SIPA1L2: variants seen among roughly 807,000 people sequenced by gnomAD.
SIPA1L2 encodes signal induced proliferation associated 1 like 2, also known as signal-induced proliferation-associated 1-like protein 2.
In SIPA1L2, 56 loss-of-function variants were observed where a neutral mutation model predicts 163.9. The observed-to-expected ratio is 0.34, with a 90% confidence interval of 0.28 to 0.43. SIPA1L2 has a LOEUF of 0.43. Ranked by LOEUF, SIPA1L2 falls within the 20% of genes least tolerant of loss-of-function variation. SIPA1L2 has a pLI of 1.00. For missense variants in SIPA1L2, 1,974 were observed against 2,193.5 expected, an observed-to-expected ratio of 0.90 and a Z score of 2.00; for synonymous variants, 877 against 865.7, an observed-to-expected ratio of 1.01 and a Z score of -0.23.
chr1:232,559,816 G>A (rs188793559), intron 2 of SIPA1L2, among the ~76,000 whole-genome samples: 1 of 152,308 alleles, frequency 6.6e-6, no homozygotes, highest in Non-Finnish European at 1.5e-5. Flanking sequence ...AGATTAGTGT[G>A]TATTACTTTA....
intron 2 of SIPA1L2, among the ~76,000 whole-genome samples, chr1:232,553,112 A>T (rs1013684573): frequency 3.9e-4 from 59 of 152,170 alleles, no homozygotes; most frequent in Non-Finnish European, 7.2e-4. Context: ...TGGTGAATTC[A>T]GGGGTTTTAC....
At chr1:232,446,555 T>C (rs1307776089) in intron 10 of SIPA1L2, among the ~76,000 whole-genome samples, 2 of 152,194 alleles carry the variant, frequency 1.3e-5, no homozygotes, top group Non-Finnish European at 2.9e-5. Flanking sequence ...GAGAAAAGCT[T>C]CCTTTTGTCT....
chr1:232,443,877 G>A (rs893708792), intron 11 of SIPA1L2, among the ~76,000 whole-genome samples, 192 bp from the exon 12 acceptor site: 3 of 152,208 alleles, frequency 2.0e-5, no homozygotes, highest in African/African-American at 7.2e-5. Flanking sequence ...GGATATCAGT[G>A]GTTTATGATT....
intron 2 of SIPA1L2, among the ~76,000 whole-genome samples, chr1:232,522,346 A>G (rs540758215): frequency 1.3e-5 from 2 of 152,100 alleles, no homozygotes; most frequent in South Asian, 4.2e-4. Flanking sequence ...TATCCTTTGT[A>G]CATGCACTAC....
At chr1:232,431,509 G>A (rs1662236617) in intron 16 of SIPA1L2, among the ~76,000 whole-genome samples, 1 of 152,214 alleles carries the variant, frequency 6.6e-6, no homozygotes, top group Non-Finnish European at 1.5e-5. Flanking sequence ...GTGGGTGCAA[G>A]CCACGCTCAG....
intron 22 of SIPA1L2, among the ~76,000 whole-genome samples, chr1:232,401,917 G>A (rs918984270): frequency 3.9e-5 from 6 of 152,184 alleles, no homozygotes; most frequent in Non-Finnish European, 8.8e-5. Context: ...AGTATTTGTG[G>A]GATACAGAAT....
At chr1:232,537,195 C>A (rs1057156913) in intron 2 of SIPA1L2, among the ~76,000 whole-genome samples, 1 of 152,088 alleles carries the variant, frequency 6.6e-6, no homozygotes, top group Admixed American at 6.5e-5. Flanking sequence ...TGTGATTGTG[C>A]CACTGCACTC....
chr1:232,487,282 C>T (rs1236944270), intron 5 of SIPA1L2, among the ~76,000 whole-genome samples: 1 of 152,172 alleles, frequency 6.6e-6, no homozygotes. Flanking sequence ...GAGAAGAAAA[C>T]AAAGCCTCAG....
At position 232,429,705 on chromosome 1, in the gene SIPA1L2, G is replaced by T. The variant is rs1002066647; in HGVS notation, c.4257-1141C>A. On this transcript the variant is annotated intron_variant, in intron 16 of 22. Coordinates refer to ENST00000674635, the MANE Select transcript of SIPA1L2 (RefSeq NM_020808.5). ...CATGACATAAAAATGGGAGCTACAA[G>T]AAGAAACCAAGACGCTGGAGGGCTT... Among the ~76,000 whole-genome samples the T allele has an allele frequency of 2.0e-5, 3 of 151,666 alleles. No individual in the cohort carries two copies. In the Middle Eastern group the frequency reaches 0.011, roughly 534 times the overall value.
chr1:232,549,791 A>G (rs1290130130), intron 2 of SIPA1L2, among the ~76,000 whole-genome samples: 2 of 152,172 alleles, frequency 1.3e-5, no homozygotes, highest in Non-Finnish European at 2.9e-5. Flanking sequence ...TCACTGGTCA[A>G]TATTATTTTT....
intron 2 of SIPA1L2, among the ~76,000 whole-genome samples, chr1:232,525,093 T>TA (rs564825309): frequency 1.3e-4 from 19 of 151,868 alleles, no homozygotes; most frequent in Non-Finnish European, 1.8e-4. Context: ...CACACTAAGA[T>TA]AAAGAAGAAA....
At chr1:232,427,364 C>T (rs139591724) in intron 17 of SIPA1L2, among the ~76,000 whole-genome samples, 2 of 152,304 alleles carry the variant, frequency 1.3e-5, no homozygotes, top group African/African-American at 4.8e-5. Flanking sequence ...GTTCTAAAAA[C>T]ACAATTAGGT....
chr1:232,523,824 G>A lies in SIPA1L2; in HGVS notation c.-269-8216C>T, dbSNP rs78961128. On this transcript the variant is annotated intron_variant, in intron 2 of 22. Coordinates refer to ENST00000674635, the MANE Select transcript of SIPA1L2 (RefSeq NM_020808.5). ...AAAATTGAACTAAACTGTGCAAAGCGTGTCCCATCACTGTATTCTTTATTA... is the reference window on the plus strand; with the variant it reads ...AAAATTGAACTAAACTGTGCAAAGCATGTCCCATCACTGTATTCTTTATTA... Among the ~76,000 whole-genome samples, 8 of 152,058 alleles carry A rather than the reference G, an allele frequency of 5.3e-5. No individual in the cohort carries two copies. The East Asian group carries it at 9.6e-4, about 18-fold the overall frequency.
intron 10 of SIPA1L2, among the ~76,000 whole-genome samples, chr1:232,454,503 A>C (rs1005927975): frequency 2.6e-5 from 4 of 152,224 alleles, no homozygotes; most frequent in African/African-American, 9.6e-5. Context: ...AGCAGGAGTA[A>C]CACTGCACTG....
chr1:232,527,722 CTTCT>C (rs1184414548), intron 2 of SIPA1L2, among the ~76,000 whole-genome samples: 1 of 86,276 alleles, frequency 1.2e-5, no homozygotes, highest in Non-Finnish European at 2.3e-5. Flanking sequence ...TCTTCTTCTT[CTTCT>C]TTTTTTTTTT....
chr1:232,515,626 A>G lies in SIPA1L2; in HGVS notation c.-269-18T>C. 2.8e-6 allele frequency: 1 copy of G among 353,712 alleles called. No individual in the cohort carries two copies. The allele number at this position is 353,712 out of a possible 1,614,324, so 21.9% of individuals were successfully genotyped here. On this transcript the variant is annotated intron_variant, in intron 2 of 22. Transcript: ENST00000674635. ...TCCTTCACCTGAATTAAGAGATAGG[A>G]AGTAGCCATTAGCAATTAATATGCT...
intron 1 of SIPA1L2, among the ~76,000 whole-genome samples, chr1:232,595,347 T>A (rs1018133066): frequency 2.6e-5 from 4 of 152,098 alleles, no homozygotes; most frequent in African/African-American, 9.7e-5. Flanking sequence ...TAAAATTAAA[T>A]TAAGCCATAA....
intron 7 of SIPA1L2, 95 bp from the exon 8 acceptor site, chr1:232,471,623 T>C: frequency 8.6e-7 from 1 of 1,156,692 alleles, no homozygotes. Context: ...GGAGTGATTT[T>C]TAAAAAGCAC....
chr1:232,474,721 C>A (rs1033669249), intron 7 of SIPA1L2, among the ~76,000 whole-genome samples: 6 of 151,762 alleles, frequency 4.0e-5, no homozygotes, highest in African/African-American at 1.5e-4. Context: ...AGCGTGTAAC[C>A]CCAAAATATG....
Sources: allele counts gnomAD v4.1 joint callset (sites outside exome capture counted in the v4.1 genomes callset), GRCh38; gene constraint gnomAD v4.1.1; transcripts MANE v1.5; gene names NCBI Gene and HGNC (gene_info 2026-07-23, HGNC 2026-07-21).